GRIN2B: variants seen among roughly 807,000 people sequenced by gnomAD.
The protein encoded by GRIN2B is glutamate receptor ionotropic, NMDA 2B.
A neutral mutation model predicts 114.5 loss-of-function variants in GRIN2B; 5 were observed. That is an observed-to-expected ratio of 0.04 (90% CI 0.02 to 0.09). The LOEUF (loss-of-function observed/expected upper bound fraction) is 0.09, where lower values mean the gene tolerates loss of function less well. GRIN2B is among the 10% of genes least tolerant of loss of function. The pLI, the probability that GRIN2B is intolerant of heterozygous loss-of-function variation, is 1.00. For missense variants in GRIN2B, 1,108 were observed against 1,943.5 expected (o/e 0.57, Z 8.08); for synonymous variants, 787 against 745.1 (o/e 1.06, Z -0.92).
chr12:13,785,446 C>T (rs926596768), intron 3 of GRIN2B, among the ~76,000 whole-genome samples: 6 of 152,164 alleles, frequency 3.9e-5, no homozygotes, highest in African/African-American at 1.2e-4. Flanking sequence ...AGGCTGGTCT[C>T]ACACCACAAC....
intron 3 of GRIN2B, among the ~76,000 whole-genome samples, chr12:13,846,492 T>C (rs933872760): frequency 3.3e-5 from 5 of 152,224 alleles, no homozygotes; most frequent in Non-Finnish European, 7.3e-5. Flanking sequence ...ACTTTATTGT[T>C]GCATCTCTAC....
intron 4 of GRIN2B, among the ~76,000 whole-genome samples, chr12:13,687,505 G>T (rs1950182671): frequency 6.6e-6 from 1 of 152,016 alleles, no homozygotes; most frequent in Non-Finnish European, 1.5e-5. Flanking sequence ...TCATGCCAAG[G>T]TCTCCAAAAT....
rs1175310905 is a variant in GRIN2B at position 13,551,861 on chromosome 12, T to C, written c.*10922A>G. The C allele has an allele frequency of 6.6e-6, 1 of 152,150 alleles. No individual in the cohort carries two copies. The highest frequency in any genetic ancestry group is 1.5e-5 in the Non-Finnish European group (1 of 68,028). The allele number at this position is 152,150 out of a possible 1,614,324, so 9.4% of individuals were successfully genotyped here. On this transcript the variant is annotated 3_prime_UTR_variant, in exon 14 of 14. Transcript: ENST00000609686. ...GTCAAAGGGAGCATTAAAATAGCCA[T>C]GGATTTCAAAAGAAAATCAATTACA...
intron 3 of GRIN2B, among the ~76,000 whole-genome samples, chr12:13,766,594 A>C (rs1223191109): frequency 6.6e-6 from 1 of 152,190 alleles, no homozygotes; most frequent in Non-Finnish European, 1.5e-5. Flanking sequence ...CTACAGTCTA[A>C]ATGAATTATA....
rs577081614 is a variant in GRIN2B, at chr12:13,595,360, T to A, written c.2010+13243A>T. Among the ~76,000 whole-genome samples, 11 of 152,310 alleles carry A rather than the reference T, an allele frequency of 7.2e-5. No individual in the cohort carries two copies. In the South Asian group the frequency reaches 2.3e-3, roughly 32 times the overall value. ...CAGGTATTCTGAGGATCGATACATT[T>A]GTGACCATGCCAGACCCTGTGCTTG... On this transcript the variant is annotated intron_variant, in intron 10 of 13. Transcript: ENST00000609686.
At chr12:13,764,448 G>A (rs1231600812) in intron 3 of GRIN2B, among the ~76,000 whole-genome samples, 6 of 152,088 alleles carry the variant, frequency 3.9e-5, no homozygotes, top group Admixed American at 6.5e-5. Flanking sequence ...TGCTCTAACC[G>A]GCTAACACCG....
chr12:13,713,907 AT>A (rs777669380), intron 4 of GRIN2B, among the ~76,000 whole-genome samples: 5 of 150,976 alleles, frequency 3.3e-5, no homozygotes, highest in Admixed American at 2.0e-4. Flanking sequence ...TTTTGTAAAG[AT>A]TTTTTTTTCT....
intron 5 of GRIN2B, among the ~76,000 whole-genome samples, chr12:13,654,922 C>T (rs1288953136): frequency 2.6e-5 from 4 of 152,014 alleles, no homozygotes; most frequent in African/African-American, 9.7e-5. Context: ...GAAGGTTTTA[C>T]AAGCAGGAGA....
At chr12:13,751,078 C>T (rs554650571) in intron 4 of GRIN2B, among the ~76,000 whole-genome samples, 4 of 152,046 alleles carry the variant, frequency 2.6e-5, no homozygotes, top group Middle Eastern at 3.4e-3. Flanking sequence ...GGAAGGGGCA[C>T]GCTGGAGAGT....
At chr12:13,742,142 TG>T (rs1264874139) in intron 4 of GRIN2B, among the ~76,000 whole-genome samples, 1 of 152,210 alleles carries the variant, frequency 6.6e-6, no homozygotes, top group Non-Finnish European at 1.5e-5. Context: ...TATGCTTTTT[TG>T]CTATACAGGG....
At chr12:13,780,176 C>G (rs1470257082) in intron 3 of GRIN2B, among the ~76,000 whole-genome samples, 4 of 151,778 alleles carry the variant, frequency 2.6e-5, no homozygotes, top group Non-Finnish European at 5.9e-5. Flanking sequence ...CTAGATGGAC[C>G]AAAAGTAACA....
rs148722970 is a variant in GRIN2B, at chr12:13,870,893, G to A, written c.-18-4667C>T. ...AATGGAAGTCAAGAAGAGTATAAAC[G>A]AGTATAACCTTTTTGGAGGTCAAAG... On this transcript the variant is annotated intron_variant, in intron 2 of 13. Coordinates refer to ENST00000609686, the MANE Select transcript of GRIN2B (RefSeq NM_000834.5). Among the ~76,000 whole-genome samples the A allele has an allele frequency of 6.1e-3, 936 of 152,236 alleles. 3 individuals are homozygous for A. The highest frequency in any genetic ancestry group is 0.011 in the Non-Finnish European group (729 of 68,012).
intron 2 of GRIN2B, among the ~76,000 whole-genome samples, chr12:13,955,303 C>T (rs1231054524): frequency 6.6e-6 from 1 of 152,106 alleles, no homozygotes; most frequent in East Asian, 1.9e-4. Context: ...CAGGATCTGA[C>T]CTATAGATAA....
At chr12:13,630,592 G>A (rs115330295) in intron 5 of GRIN2B, among the ~76,000 whole-genome samples, 5 of 152,264 alleles carry the variant, frequency 3.3e-5, no homozygotes, top group African/African-American at 1.2e-4. Context: ...ACAACCAAAC[G>A]TAGAATGAGG....
intron 2 of GRIN2B, among the ~76,000 whole-genome samples, chr12:13,890,364 C>G (rs1357758914): frequency 6.6e-6 from 1 of 152,198 alleles, no homozygotes; most frequent in Non-Finnish European, 1.5e-5. Flanking sequence ...AAATCTCTTA[C>G]TGATTGCTCT....
intron 10 of GRIN2B, among the ~76,000 whole-genome samples, chr12:13,572,328 C>CTAAAAAAA (rs1948718127): frequency 6.6e-6 from 1 of 152,072 alleles, no homozygotes; most frequent in Admixed American, 6.5e-5. Flanking sequence ...ACCTTTCTTT[C>CTAAAAAAA]TAAAAAAATA....
intron 5 of GRIN2B, among the ~76,000 whole-genome samples, chr12:13,674,112 T>C (rs1179773425): frequency 6.6e-6 from 1 of 151,938 alleles, no homozygotes; most frequent in African/African-American, 2.4e-5. Context: ...GTAATTCCAG[T>C]GCTTTGGGAG....
intron 2 of GRIN2B, among the ~76,000 whole-genome samples, chr12:13,902,169 ATAT>A (rs1866462959): frequency 6.6e-6 from 1 of 152,156 alleles, no homozygotes; most frequent in Non-Finnish European, 1.5e-5. Context: ...ATAAATCTTG[ATAT>A]CTGGTAAAGC....
intron 3 of GRIN2B, among the ~76,000 whole-genome samples, chr12:13,832,445 G>A (rs1865167569): frequency 6.6e-6 from 1 of 152,142 alleles, no homozygotes; most frequent in Non-Finnish European, 1.5e-5. Context: ...AAACCTCCCA[G>A]AGTAGAGACC....
Sources: allele counts gnomAD v4.1 joint callset (sites outside exome capture counted in the v4.1 genomes callset), GRCh38; gene constraint gnomAD v4.1.1; transcripts MANE v1.5; gene names NCBI Gene and HGNC (gene_info 2026-07-23, HGNC 2026-07-21).